ITGA8: variants seen among roughly 807,000 people sequenced by gnomAD.
ITGA8 encodes integrin alpha-8.
In ITGA8, 91 loss-of-function variants were observed where a neutral mutation model predicts 142.3. The ratio of observed to expected loss-of-function variants is 0.64; its 90% CI spans 0.54 to 0.76. ITGA8 has a LOEUF of 0.76. Among genes scored for constraint, ITGA8 ranks in the 30% least tolerant of loss-of-function variants. The pLI is 0.00. For synonymous variants in ITGA8, 505 were observed against 485.2 expected, an observed-to-expected ratio of 1.04 and a Z score of -0.54; for missense variants, 1,406 against 1,327.7, an observed-to-expected ratio of 1.06 and a Z score of -0.92.
rs186768690 is a variant in ITGA8 at position 15,542,197 on chromosome 10, G to A, written c.2880+6258C>T. On this transcript the variant is annotated intron_variant, in intron 27 of 29. Transcript: ENST00000378076. The stretch of plus-strand genomic sequence containing the variant: ...ATAATCATAGATACAATAATTGATT[G>A]TATGATCGAATCTTGCAATTTTGAA... Among the ~76,000 whole-genome samples, 11 of 152,332 alleles carry A rather than the reference G, an allele frequency of 7.2e-5. No individual in the cohort carries two copies. The East Asian group carries it at 2.1e-3, about 29-fold the overall frequency.
chr10:15,697,220 A>G (rs1455074320), intron 2 of ITGA8, among the ~76,000 whole-genome samples: 2 of 152,250 alleles, frequency 1.3e-5, no homozygotes, highest in African/African-American at 4.8e-5. Context: ...GCACTGATAC[A>G]GAAAAATGTT....
chr10:15,557,995 A>C (rs891727606), intron 26 of ITGA8, 79 bp downstream of exon 26: 1 of 1,537,298 alleles, frequency 6.5e-7, no homozygotes, highest in African/African-American at 1.4e-5. Context: ...ACAATCCTTG[A>C]AGTTAAAACT....
At chr10:15,624,341 A>G (rs1462905988) in intron 13 of ITGA8, among the ~76,000 whole-genome samples, 1 of 152,170 alleles carries the variant, frequency 6.6e-6, no homozygotes, top group Non-Finnish European at 1.5e-5. Flanking sequence ...GTCAATCTTC[A>G]TTGCTGAATC....
At chr10:15,719,489 G>C in intron 1 of ITGA8, 74 bp downstream of exon 1, 4 of 1,381,228 alleles carry the variant, frequency 2.9e-6, no homozygotes, top group Non-Finnish European at 3.8e-6. Context: ...GGGGGACTCC[G>C]CGGCAGAGCC....
At chr10:15,599,085 A>AAT (rs112116464) in intron 20 of ITGA8, among the ~76,000 whole-genome samples, 63 of 150,918 alleles carry the variant, frequency 4.2e-4, no homozygotes, top group African/African-American at 1.5e-3. Flanking sequence ...TCTATAGTAA[A>AAT]TTTTTTTTTT....
At chr10:15,672,815 C>G in intron 6 of ITGA8, 66 bp from the exon 7 acceptor site, 1 of 1,440,146 alleles carries the variant, frequency 6.9e-7, no homozygotes, top group Non-Finnish European at 9.2e-7. Flanking sequence ...ATGAGCAGAC[C>G]CACATTCCCT....
chr10:15,546,483 C>T, intron 27 of ITGA8, among the ~76,000 whole-genome samples: 1 of 152,104 alleles, frequency 6.6e-6, no homozygotes, highest in East Asian at 1.9e-4. Flanking sequence ...TGATGTTGTC[C>T]CCTGAGGACA....
At position 15,575,534 on chromosome 10, in the gene ITGA8, G is replaced by A. The variant is rs750922128; in HGVS notation, c.2433C>T (p.Pro811=). ...PIHNWEPEEE[P]HKEEEVGPLV... The stretch of plus-strand genomic sequence containing the variant: ...ATGGTCCAACCTCCTCCTCTTTGTG[G>A]GGCTCCTCTTCTGGTTCCCAGTTAT... The change falls in exon 24 of 30, where the codon CCC becomes CCT. Residue 811 remains proline, a synonymous_variant. Coordinates refer to ENST00000378076, the MANE Select transcript of ITGA8 (RefSeq NM_003638.3). 2 of 1,614,016 alleles carry A rather than the reference G, an allele frequency of 1.2e-6. No individual in the cohort carries two copies. The highest frequency in any genetic ancestry group is 1.1e-5 in the South Asian group (1 of 91,068).
At chr10:15,646,060 T>C (rs1009155180) in intron 12 of ITGA8, among the ~76,000 whole-genome samples, 2 of 152,198 alleles carry the variant, frequency 1.3e-5, no homozygotes, top group Non-Finnish European at 2.9e-5. Flanking sequence ...TCTTGACATA[T>C]AGAAGGTTTC....
At chr10:15,610,366 G>A (rs935665804) in intron 15 of ITGA8, among the ~76,000 whole-genome samples, 2 of 152,094 alleles carry the variant, frequency 1.3e-5, no homozygotes, top group African/African-American at 4.8e-5. Context: ...TCACTTGCAG[G>A]CCTACAGCTA....
chr10:15,528,842 G>T (rs920534603), intron 28 of ITGA8, among the ~76,000 whole-genome samples: 10 of 152,160 alleles, frequency 6.6e-5, no homozygotes, highest in African/African-American at 2.2e-4. Context: ...TCACTGGAAA[G>T]AAAAAGAGGT....
In ITGA8 at chr10:15,605,712, A is replaced by G; in HGVS notation, c.1970+12T>C. 2 of 1,604,900 alleles carry G rather than the reference A, an allele frequency of 1.2e-6. No individual in the cohort carries two copies. The highest frequency in any genetic ancestry group is 1.7e-6 in the Non-Finnish European group (2 of 1,171,742). ...TTAGATAGAAAGTACACATTTAGTTATTTAAACTTACGGTCTAGCCGACAG... is the reference window on the plus strand; with the variant it reads ...TTAGATAGAAAGTACACATTTAGTTGTTTAAACTTACGGTCTAGCCGACAG... On this transcript the variant is annotated intron_variant, in intron 19 of 29. Transcript: ENST00000378076.
chr10:15,581,580 G>T (rs957468298), intron 23 of ITGA8, among the ~76,000 whole-genome samples: 1 of 152,188 alleles, frequency 6.6e-6, no homozygotes, highest in Non-Finnish European at 1.5e-5. Flanking sequence ...AGGTAATCTC[G>T]TGTGGGGACT....
At chr10:15,710,741 C>A (rs1233895291) in intron 2 of ITGA8, among the ~76,000 whole-genome samples, 1 of 152,158 alleles carries the variant, frequency 6.6e-6, no homozygotes, top group Admixed American at 6.5e-5. Flanking sequence ...TAGGCTCTGA[C>A]AACTGAGACA....
chr10:15,707,013 C>A (rs1487445710), intron 2 of ITGA8, among the ~76,000 whole-genome samples: 1 of 152,188 alleles, frequency 6.6e-6, no homozygotes, highest in Admixed American at 6.5e-5. Flanking sequence ...TAGAACATGT[C>A]TCCCTTGGAT....
intron 4 of ITGA8, among the ~76,000 whole-genome samples, chr10:15,680,314 G>A (rs186181639): frequency 1.0e-4 from 13 of 127,526 alleles, no homozygotes; most frequent in African/African-American, 3.2e-4. Context: ...TACAAGCTCC[G>A]CCTCCCGGGT....
intron 2 of ITGA8, among the ~76,000 whole-genome samples, chr10:15,697,567 G>T (rs1048878400): frequency 1.5e-4 from 23 of 152,326 alleles, no homozygotes; most frequent in African/African-American, 5.5e-4. Context: ...CTTAGGCTTT[G>T]CAAACTGTAT....
chr10:15,626,335 C>T (rs548893436), intron 13 of ITGA8, among the ~76,000 whole-genome samples: 4 of 152,304 alleles, frequency 2.6e-5, no homozygotes, highest in South Asian at 4.1e-4. Flanking sequence ...ATTCTCCTGC[C>T]TTAGCCTCCT....
intron 2 of ITGA8, among the ~76,000 whole-genome samples, chr10:15,709,030 G>A (rs1303458555): frequency 6.6e-6 from 1 of 152,180 alleles, no homozygotes; most frequent in East Asian, 1.9e-4. Context: ...CCTCATAAAT[G>A]TGAGGAGAAA....
Sources: gnomAD v4.1 joint callset for allele counts (sites outside exome capture counted in the v4.1 genomes callset) on GRCh38, gnomAD v4.1.1 for gene constraint, MANE v1.5 for transcripts, NCBI Gene and HGNC (gene_info 2026-07-23, HGNC 2026-07-21) for gene names.